Variants in ITSN1 observed in about 807,000 individuals in gnomAD.
The protein encoded by ITSN1 is intersectin-1.
Under a neutral mutation model 239.8 loss-of-function variants are expected in ITSN1, and 58 were observed. The observed-to-expected ratio is 0.24, with a 90% CI of 0.20 to 0.30. ITSN1 has a LOEUF of 0.30. Among genes scored for constraint, ITSN1 ranks in the 10% least tolerant of loss-of-function variants. The pLI, the probability that ITSN1 is intolerant of heterozygous loss-of-function variation, is 1.00. For synonymous variants in ITSN1, 780 were observed against 770.8 expected (o/e 1.01, Z -0.20); for missense variants, 1,558 against 2,103.3 (o/e 0.74, Z 5.07).
chr21:33,723,546 A>G lies in ITSN1; in HGVS notation c.185+895A>G, dbSNP rs1022412758. ...GGAGAATGATGTGAACCCAGGAGGC[A>G]GAGCTTGCAGTGAGCCGAGATCATG... On this transcript the variant is annotated intron_variant, in intron 4 of 39. Transcript: ENST00000381318. 2.6e-5 allele frequency among the ~76,000 whole-genome samples: 4 copies of G among 152,234 alleles called. No homozygotes were observed. The South Asian group carries it at 8.3e-4, about 32-fold the overall frequency.
At chr21:33,838,233 GTCC>G in intron 29 of ITSN1, 1 of 985,356 alleles carries the variant, frequency 1.0e-6, no homozygotes. Context: ...CAATCTAGCT[GTCC>G]TCCTAAAGAC....
In ITSN1 at chr21:33,889,488, T is replaced by C. The variant is rs536243615; in HGVS notation, c.*1188T>C. 6.6e-6 allele frequency: 1 copy of C among 152,362 alleles called. No individual in the cohort carries two copies. Among genetic ancestry groups the C allele is most frequent in the Admixed American group, 6.5e-5 (1 of 15,294 alleles). 9.4% of individuals were successfully genotyped at this position (152,362 alleles called of 1,614,324 possible). On this transcript the variant is annotated 3_prime_UTR_variant, in exon 40 of 40. Coordinates refer to ENST00000381318, the MANE Select transcript of ITSN1 (RefSeq NM_003024.3). The stretch of plus-strand genomic sequence containing the variant: ...GCTTGTTGCAAGAGTCAGGACTTTA[T>C]GACTATGTGCCAAGCTGTTTGGTTT...
chr21:33,779,814 C>A, intron 14 of ITSN1, among the ~76,000 whole-genome samples: 3 of 152,150 alleles, frequency 2.0e-5, no homozygotes, highest in Middle Eastern at 6.8e-3. Context: ...AAAATGCATG[C>A]ACCTTTTTAA....
At chr21:33,664,844 T>A (rs903017465) in intron 1 of ITSN1, among the ~76,000 whole-genome samples, 1 of 152,236 alleles carries the variant, frequency 6.6e-6, no homozygotes, top group Non-Finnish European at 1.5e-5. Context: ...TTATATGACC[T>A]CTCTTAATTT....
intron 5 of ITSN1, among the ~76,000 whole-genome samples, chr21:33,747,401 A>C (rs2067246365): frequency 6.6e-6 from 1 of 152,206 alleles, no homozygotes; most frequent in Non-Finnish European, 1.5e-5. Context: ...GGATCATGAG[A>C]GAAAGGTACA....
rs1297075689 is a variant in ITSN1 at position 33,898,775 on chromosome 21, C to T, written c.*10475C>T. 2.0e-5 allele frequency: 3 copies of T among 152,244 alleles called. No homozygotes were observed. Among genetic ancestry groups the T allele is most frequent in the Non-Finnish European group, 4.4e-5 (3 of 68,044 alleles). The allele number at this position is 152,244 out of a possible 1,614,324, so 9.4% of individuals were successfully genotyped here. A position where few individuals can be genotyped will look rare whatever the true frequency, so the allele number is the denominator to read the frequency against. Reference sequence around the variant, plus strand: ...ATTTCTTTGAACAGGCTGCGTGCATCTTAATGCTGTCAACCAGCAACTGGA... The same window carrying T: ...ATTTCTTTGAACAGGCTGCGTGCATTTTAATGCTGTCAACCAGCAACTGGA... On this transcript the variant is annotated 3_prime_UTR_variant, in exon 40 of 40. Transcript: ENST00000381318.
chr21:33,665,919 A>T (rs2089900221), intron 1 of ITSN1, among the ~76,000 whole-genome samples: 1 of 151,386 alleles, frequency 6.6e-6, no homozygotes, highest in South Asian at 2.1e-4. Context: ...AAGGCAATAT[A>T]CTGTATGGTT....
intron 1 of ITSN1, among the ~76,000 whole-genome samples, chr21:33,676,355 G>T (rs1259681385): frequency 6.6e-6 from 1 of 151,884 alleles, no homozygotes; most frequent in Non-Finnish European, 1.5e-5. Context: ...AAGATTTTAC[G>T]AATATTAACC....
At chr21:33,717,743 G>A (rs2065245218) in intron 1 of ITSN1, among the ~76,000 whole-genome samples, 1 of 151,796 alleles carries the variant, frequency 6.6e-6, no homozygotes, top group Admixed American at 6.6e-5. Context: ...GTGTGTGTGT[G>A]TTTCCAGTAG....
chr21:33,678,289 CCA>C (rs1444547888), intron 1 of ITSN1, among the ~76,000 whole-genome samples: 1 of 152,142 alleles, frequency 6.6e-6, no homozygotes, highest in African/African-American at 2.4e-5. Flanking sequence ...TGAAGAAGCC[CCA>C]CACACCCCCT....
chr21:33,882,545 CAG>C lies in ITSN1; in HGVS notation c.4554+91_4554+92del. On this transcript the variant is annotated intron_variant, in intron 35 of 39. Coordinates refer to ENST00000381318, the MANE Select transcript of ITSN1 (RefSeq NM_003024.3). The surrounding 1 kb of genome is among the most constrained non-coding windows in gnomAD (Gnocchi z 4.5). ...AAAGGAGGTAGAGTTTTAGCAGGGTCAGGGGCTGTGGCATGCAGGAGAAGGCC... is the reference window on the plus strand; with the variant it reads ...AAAGGAGGTAGAGTTTTAGCAGGGTCGGGCTGTGGCATGCAGGAGAAGGCC... 2 of 1,122,670 alleles carry C rather than the reference CAG, an allele frequency of 1.8e-6. No homozygotes were observed. Among genetic ancestry groups the C allele is most frequent in the South Asian group, 1.5e-5 (1 of 67,608 alleles). The allele number at this position is 1,122,670 out of a possible 1,614,324, so 69.5% of individuals were successfully genotyped here. A position where few individuals can be genotyped will look rare whatever the true frequency, so the allele number is the denominator to read the frequency against.
intron 2 of ITSN1, among the ~76,000 whole-genome samples, chr21:33,719,514 A>C (rs2065360450): frequency 1.3e-5 from 2 of 152,212 alleles, no homozygotes. Context: ...TCTGTACCTT[A>C]TAGTCTTTGG....
chr21:33,755,213 T>G (rs1051307255), intron 7 of ITSN1, 84 bp from the exon 8 acceptor site: 2 of 605,048 alleles, frequency 3.3e-6, no homozygotes, highest in African/African-American at 3.8e-5. Context: ...TCTAGAGAAG[T>G]TCTTAGTTTA....
chr21:33,691,052 C>A (rs997945395), intron 1 of ITSN1, among the ~76,000 whole-genome samples: 4 of 151,436 alleles, frequency 2.6e-5, no homozygotes, highest in African/African-American at 4.9e-5. Flanking sequence ...TTCTTCCATG[C>A]TCAGTTAATC....
chr21:33,712,505 G>A (rs1389721457), intron 1 of ITSN1, among the ~76,000 whole-genome samples: 4 of 152,126 alleles, frequency 2.6e-5, no homozygotes, highest in Admixed American at 2.6e-4. Flanking sequence ...AGACAAGCGG[G>A]AGTTAATTCA....
chr21:33,867,063 G>A (rs1303706116), intron 32 of ITSN1, among the ~76,000 whole-genome samples, 170 bp from the exon 33 acceptor site: 1 of 152,148 alleles, frequency 6.6e-6, no homozygotes, highest in African/African-American at 2.4e-5. Context: ...TCTGGAAAGT[G>A]TGTCATCCTG....
At chr21:33,820,951 T>G (rs1209446880) in intron 24 of ITSN1, among the ~76,000 whole-genome samples, 1 of 152,218 alleles carries the variant, frequency 6.6e-6, no homozygotes, top group African/African-American at 2.4e-5. Context: ...CAGTATTATT[T>G]TGTTTATGCC....
intron 9 of ITSN1, among the ~76,000 whole-genome samples, chr21:33,762,630 A>G (rs1016951434): frequency 6.6e-6 from 1 of 152,104 alleles, no homozygotes; most frequent in Non-Finnish European, 1.5e-5. Flanking sequence ...TTTAGCTTTT[A>G]TCTTCAAAAG....
At chr21:33,665,925 TG>T (rs1162205291) in intron 1 of ITSN1, among the ~76,000 whole-genome samples, 1 of 151,636 alleles carries the variant, frequency 6.6e-6, no homozygotes, top group African/African-American at 2.4e-5. Flanking sequence ...ATATACTGTA[TG>T]GTTCCTTTTT....
Sources: allele counts gnomAD v4.1 joint callset (sites outside exome capture counted in the v4.1 genomes callset), GRCh38; gene constraint gnomAD v4.1.1; non-coding constraint Gnocchi (gnomAD v3.1); transcripts MANE v1.5; gene names NCBI Gene and HGNC (gene_info 2026-07-23, HGNC 2026-07-21).